The following CHD9 variants were observed in gnomAD, a reference collection of about 807,000 sequenced individuals.
CHD9 encodes ATP-dependent chromatin remodeler CHD9.
In CHD9, 77 loss-of-function variants were observed where a neutral mutation model predicts 316.1. The ratio of observed to expected loss-of-function variants is 0.24; its 90% confidence interval spans 0.20 to 0.29. The LOEUF is 0.29. CHD9 is among the 10% of genes least tolerant of loss of function. CHD9 has a pLI of 1.00. For synonymous variants in CHD9, 1,129 were observed against 1,158.3 expected (o/e 0.97, Z 0.51); for missense variants, 2,763 against 3,438.1 (o/e 0.80, Z 4.91).
At chr16:53,182,747 T>G (rs1329908912) in intron 2 of CHD9, among the ~76,000 whole-genome samples, 1 of 152,178 alleles carries the variant, frequency 6.6e-6, no homozygotes. Flanking sequence ...CCTAATTAAA[T>G]TAAAAAGTAC....
chr16:53,303,340 C>A (rs916300507), intron 30 of CHD9, among the ~76,000 whole-genome samples: 6 of 152,164 alleles, frequency 3.9e-5, no homozygotes, highest in African/African-American at 1.4e-4. Flanking sequence ...TGAGTTTGAG[C>A]AAGTGTTTGT....
chr16:53,131,156 G>T (rs2039261854), intron 1 of CHD9: 1 of 151,412 alleles, frequency 6.6e-6, no homozygotes, highest in South Asian at 1.9e-4. Context: ...CAACTGGTGG[G>T]GAGATGCGGG....
intron 1 of CHD9, among the ~76,000 whole-genome samples, chr16:53,150,123 A>G (rs1043908743): frequency 6.6e-6 from 1 of 152,024 alleles, no homozygotes; most frequent in Non-Finnish European, 1.5e-5. Context: ...GATAAAGAAA[A>G]CATACTTCTG....
chr16:53,191,408 A>G (rs1218835850), intron 2 of CHD9, among the ~76,000 whole-genome samples: 1 of 152,172 alleles, frequency 6.6e-6, no homozygotes, highest in Non-Finnish European at 1.5e-5. Context: ...AAGAATAATT[A>G]CATCAGCCCT....
chr16:53,164,625 G>GT (rs1254743635), intron 2 of CHD9, among the ~76,000 whole-genome samples: 1 of 137,484 alleles, frequency 7.3e-6, no homozygotes, highest in African/African-American at 2.6e-5. Flanking sequence ...GAAGTGTTCT[G>GT]TTTTTTGTTT....
intron 1 of CHD9, among the ~76,000 whole-genome samples, chr16:53,147,027 G>A (rs2040687398): frequency 6.6e-6 from 1 of 151,954 alleles, no homozygotes; most frequent in Non-Finnish European, 1.5e-5. Context: ...ATCTGATACT[G>A]TGTGCTACTA....
intron 1 of CHD9, among the ~76,000 whole-genome samples, chr16:53,055,658 G>A (rs2032000089): frequency 6.6e-6 from 1 of 152,132 alleles, no homozygotes; most frequent in Non-Finnish European, 1.5e-5. Context: ...CCAGAATGCT[G>A]ATGATTCCCT....
chr16:53,248,919 AT>A (rs1380664144), intron 16 of CHD9, among the ~76,000 whole-genome samples: 1 of 151,936 alleles, frequency 6.6e-6, no homozygotes, highest in Non-Finnish European at 1.5e-5. Context: ...TTTATTTTTC[AT>A]TTTTATTTCT....
At chr16:53,180,032 T>TC (rs1411399723) in intron 2 of CHD9, among the ~76,000 whole-genome samples, 6 of 150,234 alleles carry the variant, frequency 4.0e-5, no homozygotes, top group South Asian at 2.1e-4. Context: ...TACCTTCTTT[T>TC]TTTTTTTTTT....
intron 1 of CHD9, among the ~76,000 whole-genome samples, chr16:53,147,610 T>C (rs1421906033): frequency 6.6e-6 from 1 of 152,224 alleles, no homozygotes; most frequent in African/African-American, 2.4e-5. Context: ...TGGAATCATA[T>C]TTGCTTTGTG....
At chr16:53,077,666 T>G (rs914186678) in intron 1 of CHD9, among the ~76,000 whole-genome samples, 1 of 152,202 alleles carries the variant, frequency 6.6e-6, no homozygotes, top group Non-Finnish European at 1.5e-5. Flanking sequence ...AGGGGCACAA[T>G]GTACGTTTAC....
intron 2 of CHD9, among the ~76,000 whole-genome samples, chr16:53,195,020 C>G (rs1352841479): frequency 6.6e-6 from 1 of 152,182 alleles, no homozygotes; most frequent in African/African-American, 2.4e-5. Context: ...GATAAGATTA[C>G]AAAATGTTCT....
intron 36 of CHD9, among the ~76,000 whole-genome samples, chr16:53,315,510 G>C (rs554717325): frequency 6.6e-6 from 1 of 152,096 alleles, no homozygotes; most frequent in African/African-American, 2.4e-5. Flanking sequence ...ACAGAGTCTC[G>C]CACTGTCACC....
At chr16:53,101,973 G>A (rs1157123007) in intron 1 of CHD9, among the ~76,000 whole-genome samples, 3 of 152,136 alleles carry the variant, frequency 2.0e-5, no homozygotes, top group African/African-American at 7.2e-5. Context: ...GGAATGGGTC[G>A]TAGGAAAAAA....
rs1217234898 is a variant in CHD9 at position 53,303,842 on chromosome 16, G to A, written c.5836G>A (p.Glu1946Lys). ...GGCCCTTCGACATCCACAGTTGTTT[G>A]AACGCTTGAAGCTTTGCCATCCAAA... Reference protein sequence around the residue: ...EQALRHPQLFERLKLCHPNPD... With the variant: ...EQALRHPQLFKRLKLCHPNPD... The change falls in exon 31 of 39, where the codon GAA becomes AAA. Residue 1946 changes from glutamate to lysine, a missense_variant. Physicochemically the swap from Glu to Lys is moderately conservative, Grantham distance 56. This residue lies in a region of CHD9 where 663 missense variants were observed against 751.2 expected (regional missense o/e 0.88). Coordinates refer to ENST00000447540, the MANE Select transcript of CHD9 (RefSeq NM_001308319.2). 1 of 1,613,878 alleles carries A rather than the reference G, an allele frequency of 6.2e-7. No homozygotes were observed. The highest frequency in any genetic ancestry group is 1.3e-5 in the African/African-American group (1 of 74,910).
At chr16:53,184,298 A>G (rs2043798229) in intron 2 of CHD9, among the ~76,000 whole-genome samples, 1 of 152,122 alleles carries the variant, frequency 6.6e-6, no homozygotes, top group Non-Finnish European at 1.5e-5. Flanking sequence ...AAGGATACAT[A>G]TGTATGTGTT....
At chr16:53,140,987 A>T (rs765921803) in intron 1 of CHD9, among the ~76,000 whole-genome samples, 7 of 152,252 alleles carry the variant, frequency 4.6e-5, no homozygotes, top group Non-Finnish European at 1.5e-5. Flanking sequence ...ATAAGTAAGC[A>T]TTAGAAGAGT....
intron 2 of CHD9, among the ~76,000 whole-genome samples, chr16:53,208,944 T>C (rs547640651): frequency 7.9e-5 from 12 of 152,176 alleles, no homozygotes; most frequent in Non-Finnish European, 1.5e-4. Context: ...ACTAAAACTT[T>C]CTCTAATTTT....
At position 53,238,297 on chromosome 16, in the gene CHD9, A is replaced by G. The variant is rs760039059; in HGVS notation, c.2634-46A>G. 4.8e-6 allele frequency: 7 copies of G among 1,473,610 alleles called. No homozygotes were observed. In the South Asian group the frequency reaches 6.6e-5, roughly 14 times the overall value. 91.3% of individuals were successfully genotyped at this position (1,473,610 alleles called of 1,614,324 possible). A position where few individuals can be genotyped will look rare whatever the true frequency, so the allele number is the denominator to read the frequency against. ...TTGTATATTTATCTTTAAAGTATAGAAAAAAAACCCAATGTATGCATGGAT... is the reference window on the plus strand; with the variant it reads ...TTGTATATTTATCTTTAAAGTATAGGAAAAAAACCCAATGTATGCATGGAT... On this transcript the variant is annotated intron_variant, in intron 11 of 38. Transcript: ENST00000447540.
Sources: allele counts gnomAD v4.1 joint callset (sites outside exome capture counted in the v4.1 genomes callset), GRCh38; gene constraint gnomAD v4.1.1; regional missense constraint gnomAD v4.1.1; transcripts MANE v1.5; gene names NCBI Gene and HGNC (gene_info 2026-07-23, HGNC 2026-07-21).